Variants in DACH2 observed in about 807,000 individuals in gnomAD.
DACH2 encodes dachshund homolog 2.
A neutral mutation model predicts 35.8 loss-of-function variants in DACH2; 17 were observed. That is an observed-to-expected ratio of 0.48 (90% CI 0.33 to 0.71). The LOEUF (loss-of-function observed/expected upper bound fraction) is 0.71. Among genes scored for constraint, DACH2 ranks in the 30% least tolerant of loss-of-function variants. The pLI is 0.02. For missense variants in DACH2, 469 were observed against 472.7 expected (o/e 0.99, Z 0.07); for synonymous variants, 195 against 177.3 (o/e 1.10, Z -0.79).
intron 2 of DACH2, among the ~76,000 whole-genome samples, chrX:86,511,529 A>G (rs1455381445): frequency 9.0e-6 from 1 of 111,680 alleles, no homozygotes; most frequent in African/African-American, 3.3e-5. Flanking sequence ...CATCTCTATA[A>G]CTAGACCACA....
At chrX:86,286,115 GTTT>G (rs753864299) in intron 1 of DACH2, among the ~76,000 whole-genome samples, 116 of 45,755 alleles carry the variant, frequency 2.5e-3, no homozygotes, top group African/African-American at 9.8e-3. Context: ...CAGCCAGTCT[GTTT>G]TTTTTTTTTT....
intron 6 of DACH2, among the ~76,000 whole-genome samples, chrX:86,728,923 T>G (rs937190509): frequency 1.8e-5 from 2 of 112,804 alleles, no homozygotes; most frequent in Non-Finnish European, 3.8e-5. Flanking sequence ...GAACCTCTAC[T>G]AGGGCAGTGC....
intron 1 of DACH2, among the ~76,000 whole-genome samples, chrX:86,280,708 T>A (rs1247264843): frequency 2.7e-5 from 3 of 111,686 alleles, no homozygotes; most frequent in African/African-American, 9.8e-5. Context: ...AGGAAACCCA[T>A]CAAACATGCG....
intron 4 of DACH2, among the ~76,000 whole-genome samples, chrX:86,657,508 T>G (rs1322367585): frequency 1.8e-5 from 2 of 111,654 alleles, no homozygotes; most frequent in Non-Finnish European, 3.8e-5. Flanking sequence ...GCTGAGTGCA[T>G]GTTACCTTTC....
Position 86,249,666 on chromosome X carries a change from A to G in DACH2, c.488+100558A>G, listed in dbSNP as rs138151681. The stretch of plus-strand genomic sequence containing the variant: ...GGAGATTTCTTGAAGACCTTAAAAC[A>G]TATCTACCACTTGGCACAGCAATCC... On this transcript the variant is annotated intron_variant, in intron 1 of 11. Coordinates refer to ENST00000373125, the MANE Select transcript of DACH2 (RefSeq NM_053281.3). Among the ~76,000 whole-genome samples the G allele has an allele frequency of 8.2e-4, 92 of 111,523 alleles. No homozygotes were observed. The Middle Eastern group carries it at 0.014, about 17-fold the overall frequency.
chrX:86,696,322 C>A (rs778955744), intron 5 of DACH2, among the ~76,000 whole-genome samples: 1 of 111,530 alleles, frequency 9.0e-6, no homozygotes, highest in Admixed American at 9.6e-5. Context: ...TGGTGTGATA[C>A]TTTAAAGTGG....
intron 2 of DACH2, among the ~76,000 whole-genome samples, chrX:86,450,636 G>T (rs1265113639): frequency 1.8e-5 from 2 of 110,543 alleles, no homozygotes; most frequent in Non-Finnish European, 3.8e-5. Flanking sequence ...TAGGTCTTTG[G>T]GGAATTGCCA....
chrX:86,546,660 G>A (rs892101627), intron 3 of DACH2, among the ~76,000 whole-genome samples: 4 of 105,239 alleles, frequency 3.8e-5, no homozygotes, highest in Admixed American at 3.2e-4. Context: ...GATTACAGGC[G>A]CGTGCCACCA....
intron 3 of DACH2, among the ~76,000 whole-genome samples, chrX:86,571,544 A>G (rs1044392871): frequency 9.1e-6 from 1 of 110,118 alleles, no homozygotes; most frequent in Non-Finnish European, 1.9e-5. Context: ...CAGCAAACTA[A>G]CACAAGGACA....
chrX:86,195,539 C>T (rs1040755762), intron 1 of DACH2, among the ~76,000 whole-genome samples: 10 of 111,695 alleles, frequency 9.0e-5, no homozygotes, highest in Non-Finnish European at 1.7e-4. Flanking sequence ...AATGTCTGCA[C>T]GGAGCAGGCA....
intron 3 of DACH2, among the ~76,000 whole-genome samples, chrX:86,555,154 C>T (rs969632850): frequency 9.0e-6 from 1 of 111,668 alleles, no homozygotes; most frequent in Non-Finnish European, 1.9e-5. Flanking sequence ...GTTCCTCATG[C>T]TATAGCATAA....
chrX:86,292,403 G>C (rs1363841544), intron 1 of DACH2, among the ~76,000 whole-genome samples: 3 of 99,121 alleles, frequency 3.0e-5, no homozygotes, highest in Non-Finnish European at 6.1e-5. Flanking sequence ...TTTTTTGAAG[G>C]GTTTTTTGTG....
chrX:86,303,306 A>T (rs775726933), intron 1 of DACH2, among the ~76,000 whole-genome samples: 1 of 109,482 alleles, frequency 9.1e-6, no homozygotes, highest in African/African-American at 3.3e-5. Context: ...ATCTGGTTTT[A>T]TGAGAACTCT....
chrX:86,343,914 G>A (rs76439848), intron 1 of DACH2, among the ~76,000 whole-genome samples: 1 of 110,433 alleles, frequency 9.1e-6, no homozygotes, highest in African/African-American at 3.3e-5. Context: ...GGCTGGGAAG[G>A]GTAGTGGGGG....
At chrX:86,515,108 C>T (rs189745088) in intron 3 of DACH2, among the ~76,000 whole-genome samples, 1 of 111,255 alleles carries the variant, frequency 9.0e-6, no homozygotes, top group East Asian at 2.8e-4. Flanking sequence ...TATCTTTATA[C>T]ATAATGATAC....
chrX:86,719,756 A>T (rs1382559891), intron 6 of DACH2, among the ~76,000 whole-genome samples: 2 of 108,899 alleles, frequency 1.8e-5, no homozygotes, highest in Non-Finnish European at 3.8e-5. Flanking sequence ...AATTACCTCT[A>T]CCTGGTCTTT....
At chrX:86,682,014 TATC>T (rs2040887422) in intron 4 of DACH2, among the ~76,000 whole-genome samples, 2 of 111,238 alleles carry the variant, frequency 1.8e-5, no homozygotes, top group Admixed American at 1.9e-4. Context: ...AATTGACTCA[TATC>T]ATTTATATTT....
chrX:86,219,540 A>G (rs1301581606), intron 1 of DACH2, among the ~76,000 whole-genome samples: 1 of 111,423 alleles, frequency 9.0e-6, no homozygotes, highest in Admixed American at 9.6e-5. Context: ...GTAATGATTG[A>G]TAAGTTGAAA....
intron 1 of DACH2, among the ~76,000 whole-genome samples, chrX:86,270,065 C>T (rs2033788130): frequency 1.0e-5 from 1 of 98,626 alleles, no homozygotes; most frequent in African/African-American, 3.7e-5. Flanking sequence ...AAAGAGTTTA[C>T]CACCTTTTAC....
Sources: gnomAD v4.1 joint callset for allele counts (sites outside exome capture counted in the v4.1 genomes callset) on GRCh38, gnomAD v4.1.1 for gene constraint, MANE v1.5 for transcripts, NCBI Gene and HGNC (gene_info 2026-07-23, HGNC 2026-07-21) for gene names.